Variants in PSCA observed in about 807,000 individuals in gnomAD.
PSCA encodes prostate stem cell antigen.
Under a neutral mutation model 7.9 loss-of-function variants are expected in PSCA, and 7 were observed. That is an observed-to-expected ratio of 0.89 (90% CI 0.51 to 1.67). The LOEUF is 1.67. Among genes scored for constraint, PSCA ranks in the 40% most tolerant of loss-of-function variants. The pLI is 0.00. For missense variants in PSCA, 151 were observed against 147.9 expected (o/e 1.02, Z -0.11); for synonymous variants, 61 against 68.3 (o/e 0.89, Z 0.53).
rs587605542 is a variant in PSCA at position 142,680,741 on chromosome 8, G to A, written c.25+178G>A. On this transcript the variant is annotated intron_variant, in intron 1 of 2. Coordinates refer to ENST00000301258, the MANE Select transcript of PSCA (RefSeq NM_005672.5). ...GAAGCTCTTGGCACGACCAGGCAGCGACCTGTTCCCTGCCGTCCCCTGTGA... is the reference window on the plus strand; with the variant it reads ...GAAGCTCTTGGCACGACCAGGCAGCAACCTGTTCCCTGCCGTCCCCTGTGA... 60 of 817,696 alleles carry A rather than the reference G, an allele frequency of 7.3e-5. No individual in the cohort carries two copies. In the East Asian group the frequency reaches 1.3e-3, roughly 18 times the overall value. The allele number at this position is 817,696 out of a possible 1,614,324, so 50.7% of individuals were successfully genotyped here.
chr8:142,681,250 C>T, intron 1 of PSCA, 77 bp from the exon 2 acceptor site: 1 of 1,147,968 alleles, frequency 8.7e-7, no homozygotes. Flanking sequence ...GCCATGGAGG[C>T]CCACCTGCCT....
Position 142,682,208 on chromosome 8 carries a change from C to T in PSCA, c.*76C>T. 1 of 1,469,240 alleles carries T rather than the reference C, an allele frequency of 6.8e-7. No homozygotes were observed. Among genetic ancestry groups the T allele is most frequent in the Non-Finnish European group, 9.2e-7 (1 of 1,082,732 alleles). 91.0% of individuals were successfully genotyped at this position (1,469,240 alleles called of 1,614,324 possible). A position where few individuals can be genotyped will look rare whatever the true frequency, so the allele number is the denominator to read the frequency against. On this transcript the variant is annotated 3_prime_UTR_variant, in exon 3 of 3. Transcript: ENST00000301258. ...CTGTGCCACTCCTCACACACCCGGC[C>T]CAGTGGGAGCCTGTCCTGGTTCCTG...
At chr8:142,680,470 A>G, upstream of PSCA, 2 of 1,537,998 alleles carry the variant, frequency 1.3e-6, no homozygotes, top group Non-Finnish European at 1.8e-6. Context: ...GAGGCCATAT[A>G]AAGTCACCTG....
At chr8:142,678,130 C>T (rs1314839394), upstream of PSCA, among the ~76,000 whole-genome samples, 1 of 152,160 alleles carries the variant, frequency 6.6e-6, no homozygotes, top group African/African-American at 2.4e-5. Context: ...CCTTCCTGGA[C>T]GGTGCAGACC....
chr8:142,675,299 G>A (rs1554637733), intron 1 of PSCA, among the ~76,000 whole-genome samples: 1 of 152,206 alleles, frequency 6.6e-6, no homozygotes, highest in African/African-American at 2.4e-5. Flanking sequence ...GGCAGGGGCT[G>A]GGGCAGTGCC....
rs1242835848 is a variant in PSCA, at chr8:142,682,349, T to G, written c.*217T>G. On this transcript the variant is annotated 3_prime_UTR_variant, in exon 3 of 3. Transcript: ENST00000301258. ...GGCAGATCGGCTCTATTGACACAGA[T>G]CCGCCTGCAGATGGCCCCTCCAACC... The G allele has an allele frequency of 1.4e-6, 1 of 709,616 alleles. No individual in the cohort carries two copies. The highest frequency in any genetic ancestry group is 2.0e-5 in the Admixed American group (1 of 49,902). The allele number at this position is 709,616 out of a possible 1,614,324, so 44.0% of individuals were successfully genotyped here. A position where few individuals can be genotyped will look rare whatever the true frequency, so the allele number is the denominator to read the frequency against.
intron 1 of PSCA, among the ~76,000 whole-genome samples, chr8:142,671,446 C>G (rs1224993215): frequency 6.6e-6 from 1 of 152,222 alleles, no homozygotes; most frequent in Non-Finnish European, 1.5e-5. Flanking sequence ...CATTAGACTT[C>G]TGAACCCAGA....
intron 1 of PSCA, among the ~76,000 whole-genome samples, chr8:142,670,909 C>T (rs1847311605): frequency 6.6e-6 from 1 of 152,214 alleles, no homozygotes; most frequent in Non-Finnish European, 1.5e-5. Flanking sequence ...ATCCTTGATG[C>T]TCAAATCCCT....
At chr8:142,670,812 T>C (rs1847309342) in intron 1 of PSCA, among the ~76,000 whole-genome samples, 2 of 152,172 alleles carry the variant, frequency 1.3e-5, no homozygotes, top group African/African-American at 4.8e-5. Flanking sequence ...GTGGAGAGAT[T>C]CTTATGTTTA....
intron 1 of PSCA, among the ~76,000 whole-genome samples, chr8:142,671,366 C>T (rs1163792916): frequency 6.6e-6 from 1 of 152,190 alleles, no homozygotes; most frequent in South Asian, 2.1e-4. Context: ...GAAACAGGGC[C>T]TCTCCTGGAG....
chr8:142,681,411 A>T lies in PSCA; in HGVS notation c.110A>T (p.Glu37Val), dbSNP rs1814631973. Residue 37 changes from glutamate (E) to valine (V), a missense_variant, in exon 2 of 3, where the codon GAG becomes GTG. Transcript: ENST00000301258. ...GTGGAGAACTGCACCCAGCTGGGGG[A>T]GCAGTGCTGGACCGCGCGCATCCGT... ...LQVENCTQLG[E>V]QCWTARIRAV... is the part of the protein sequence containing the mutation. 6.3e-7 allele frequency: 1 copy of T among 1,592,742 alleles called. No homozygotes were observed. The highest frequency in any genetic ancestry group is 8.5e-7 in the Non-Finnish European group (1 of 1,170,028).
upstream of PSCA, among the ~76,000 whole-genome samples, chr8:142,679,020 G>A (rs960916867): frequency 3.3e-5 from 5 of 151,622 alleles, no homozygotes; most frequent in Non-Finnish European, 1.5e-5. Context: ...TGCCACCACC[G>A]CCCAGCGGGC....
intron 1 of PSCA, 65 bp from the exon 2 acceptor site, chr8:142,681,262 G>A: frequency 4.7e-6 from 6 of 1,289,996 alleles, no homozygotes; most frequent in Non-Finnish European, 6.5e-6. Flanking sequence ...CACCTGCCTG[G>A]GAGCCCCCAT....
chr8:142,674,175 A>G (rs1847368965), intron 1 of PSCA, among the ~76,000 whole-genome samples: 1 of 147,886 alleles, frequency 6.8e-6, no homozygotes, highest in African/African-American at 2.5e-5. Context: ...GAATCGTTTC[A>G]GTCTAACCTC....
At chr8:142,672,573 C>G (rs181875447) in intron 1 of PSCA, among the ~76,000 whole-genome samples, 164 of 152,304 alleles carry the variant, frequency 1.1e-3, no homozygotes, top group African/African-American at 3.8e-3. Context: ...CTCCCTCCCC[C>G]GGAAGGCTGG....
At chr8:142,681,541 C>A (rs373484049) in intron 2 of PSCA, 107 bp downstream of exon 2, 1 of 981,876 alleles carries the variant, frequency 1.0e-6, no homozygotes. Flanking sequence ...CACCTGTCCC[C>A]GACCCGTCCC....
At chr8:142,676,905 AAGG>A (rs1847406861), upstream of PSCA, among the ~76,000 whole-genome samples, 1 of 152,238 alleles carries the variant, frequency 6.6e-6, no homozygotes. Flanking sequence ...ACTTCCCAGA[AAGG>A]AGAACTGCCA....
At chr8:142,677,231 C>T (rs1366283979), upstream of PSCA, among the ~76,000 whole-genome samples, 1 of 152,204 alleles carries the variant, frequency 6.6e-6, no homozygotes, top group Non-Finnish European at 1.5e-5. Flanking sequence ...CAGCCATGGT[C>T]TTCCGTATAG....
Position 142,671,813 on chromosome 8 carries a change from C to T in PSCA, n.261+1245C>T, listed in dbSNP as rs1239204119. On this transcript the variant is annotated intron_variant and non_coding_transcript_variant, in intron 1 of 1. Coordinates refer to the PSCA transcript ENST00000505305. ...TCCCAAAATGCTGGGATTCCAGGCA[C>T]GAGCCCATGTGCCAGCTCACTCATC... 3.9e-5 allele frequency among the ~76,000 whole-genome samples: 6 copies of T among 152,196 alleles called. No homozygotes were observed. The South Asian group carries it at 8.3e-4, about 21-fold the overall frequency.
Sources: gnomAD v4.1 joint callset for allele counts (sites outside exome capture counted in the v4.1 genomes callset) on GRCh38, gnomAD v4.1.1 for gene constraint, MANE v1.5 for transcripts, NCBI Gene and HGNC (gene_info 2026-07-23, HGNC 2026-07-21) for gene names.